ST6GALNAC3: variants seen among roughly 807,000 people sequenced by gnomAD.
The protein encoded by ST6GALNAC3 is ST6 N-acetylgalactosaminide alpha-2,6-sialyltransferase 3, also known as alpha-N-acetylgalactosaminide alpha-2,6-sialyltransferase 3.
In ST6GALNAC3, 25 loss-of-function variants were observed where a neutral mutation model predicts 32.7. The observed-to-expected ratio is 0.76, with a 90% CI of 0.56 to 1.07. The LOEUF is 1.07. Among genes scored for constraint, ST6GALNAC3 ranks in the 50% least tolerant of loss-of-function variants. The pLI is 0.00. For missense variants in ST6GALNAC3, 355 were observed against 382.4 expected (o/e 0.93, Z 0.60); for synonymous variants, 129 against 133.1 (o/e 0.97, Z 0.21).
intron 3 of ST6GALNAC3, among the ~76,000 whole-genome samples, chr1:76,566,412 T>G (rs549864976): frequency 6.6e-6 from 1 of 152,156 alleles, no homozygotes; most frequent in African/African-American, 2.4e-5. Flanking sequence ...TGGCTTCCCA[T>G]GGGACTCGGA....
At chr1:76,247,770 G>T (rs1036753542) in intron 1 of ST6GALNAC3, among the ~76,000 whole-genome samples, 1 of 151,680 alleles carries the variant, frequency 6.6e-6, no homozygotes, top group African/African-American at 2.4e-5. Flanking sequence ...TGTGGGAGTG[G>T]GACCTGCTGA....
At position 76,620,744 on chromosome 1, in the gene ST6GALNAC3, T is replaced by G. The variant is rs189632382; in HGVS notation, c.624-6708T>G. 2.0e-5 allele frequency among the ~76,000 whole-genome samples: 3 copies of G among 152,170 alleles called. No homozygotes were observed. The East Asian group carries it at 5.8e-4, about 29-fold the overall frequency. On this transcript the variant is annotated intron_variant, in intron 3 of 4. Transcript: ENST00000328299. ...TACAAAATACCACCAGACTGGGGAC[T>G]ACGGCCTCAACATATGAATTTGGGG...
At chr1:76,561,504 C>A (rs1665240291) in intron 3 of ST6GALNAC3, among the ~76,000 whole-genome samples, 1 of 151,664 alleles carries the variant, frequency 6.6e-6, no homozygotes, top group African/African-American at 2.4e-5. Flanking sequence ...TATAAATGGC[C>A]AATAAATACA....
At chr1:76,472,594 C>CA (rs1240274427) in intron 3 of ST6GALNAC3, among the ~76,000 whole-genome samples, 1 of 152,086 alleles carries the variant, frequency 6.6e-6, no homozygotes, top group Non-Finnish European at 1.5e-5. Context: ...GGCATGTTAC[C>CA]AAAGCGCTCA....
At chr1:76,546,210 C>G (rs960016977) in intron 3 of ST6GALNAC3, among the ~76,000 whole-genome samples, 1 of 152,080 alleles carries the variant, frequency 6.6e-6, no homozygotes, top group Non-Finnish European at 1.5e-5. Context: ...TTATGTCCTG[C>G]GTGATTTGGA....
chr1:76,483,974 A>C (rs1659920184), intron 3 of ST6GALNAC3, among the ~76,000 whole-genome samples: 3 of 129,622 alleles, frequency 2.3e-5, no homozygotes, highest in South Asian at 2.2e-4. Context: ...TTTATTAAAT[A>C]GGGAATCCTT....
At chr1:76,341,628 T>TCTTA (rs1648001172) in intron 2 of ST6GALNAC3, among the ~76,000 whole-genome samples, 3 of 130,248 alleles carry the variant, frequency 2.3e-5, no homozygotes, top group African/African-American at 9.5e-5. Flanking sequence ...TTTCTTTCTT[T>TCTTA]CTTTCTTTCT....
intron 3 of ST6GALNAC3, among the ~76,000 whole-genome samples, chr1:76,565,431 A>G (rs1038897662): frequency 6.6e-6 from 1 of 152,014 alleles, no homozygotes; most frequent in Non-Finnish European, 1.5e-5. Flanking sequence ...GGAAAATTCC[A>G]TGTCTTCATT....
chr1:76,276,238 G>T (rs909372671), intron 1 of ST6GALNAC3, among the ~76,000 whole-genome samples: 1 of 151,380 alleles, frequency 6.6e-6, no homozygotes, highest in African/African-American at 2.4e-5. Context: ...AATATAATGC[G>T]ATTTCATAGC....
chr1:76,313,886 C>T lies in ST6GALNAC3; in HGVS notation c.100C>T (p.Pro34Ser). 1 of 1,613,518 alleles carries T rather than the reference C, an allele frequency of 6.2e-7. No homozygotes were observed. The highest frequency in any genetic ancestry group is 8.5e-7 in the Non-Finnish European group (1 of 1,179,722). ...VVRLVNEVNF[P>S]LLLNCFGQPG... ...GCGTCTTGTAAATGAAGTGAATTTC[C>T]CATTGCTACTAAACTGCTTTGGACA... is the stretch of plus-strand genomic sequence containing the variant. Residue 34 changes from proline (P) to serine (S), a missense_variant, in exon 2 of 5, where the codon CCA becomes TCA. Transcript: ENST00000328299.
intron 3 of ST6GALNAC3, among the ~76,000 whole-genome samples, chr1:76,562,655 A>C (rs923815768): frequency 7.2e-5 from 11 of 152,332 alleles, no homozygotes; most frequent in Admixed American, 2.6e-4. Flanking sequence ...TATTTGAGGC[A>C]AAATGTGCTT....
chr1:76,474,258 G>T (rs2101634754), intron 3 of ST6GALNAC3, among the ~76,000 whole-genome samples: 1 of 152,292 alleles, frequency 6.6e-6, no homozygotes, highest in African/African-American at 2.4e-5. Context: ...TGAAAAGAAA[G>T]AGCCTCAAAG....
At chr1:76,230,456 T>C (rs1250373679) in intron 1 of ST6GALNAC3, among the ~76,000 whole-genome samples, 3 of 152,218 alleles carry the variant, frequency 2.0e-5, no homozygotes, top group Admixed American at 2.0e-4. Flanking sequence ...AAATTATCTT[T>C]TATTTTATTA....
intron 2 of ST6GALNAC3, among the ~76,000 whole-genome samples, chr1:76,406,305 T>C (rs1653829311): frequency 6.6e-6 from 1 of 152,036 alleles, no homozygotes; most frequent in Admixed American, 6.6e-5. Context: ...TTATTCCCTT[T>C]AGTCCTGGAG....
intron 3 of ST6GALNAC3, among the ~76,000 whole-genome samples, chr1:76,543,975 A>G (rs1206805794): frequency 1.3e-5 from 2 of 152,050 alleles, no homozygotes; most frequent in Admixed American, 6.6e-5. Context: ...TGCAGCTACT[A>G]AAGTATGTCT....
At chr1:76,274,689 A>C (rs1023787572) in intron 1 of ST6GALNAC3, among the ~76,000 whole-genome samples, 2 of 152,220 alleles carry the variant, frequency 1.3e-5, no homozygotes, top group Non-Finnish European at 2.9e-5. Context: ...CTGATTTCTA[A>C]TCTCTGAAAG....
At chr1:76,348,450 T>C (rs1648701612) in intron 2 of ST6GALNAC3, among the ~76,000 whole-genome samples, 1 of 152,160 alleles carries the variant, frequency 6.6e-6, no homozygotes, top group Admixed American at 6.5e-5. Context: ...CAACTTCCCA[T>C]TTATTCACTC....
intron 3 of ST6GALNAC3, among the ~76,000 whole-genome samples, chr1:76,434,499 A>G (rs1335663273): frequency 6.6e-6 from 1 of 152,210 alleles, no homozygotes; most frequent in African/African-American, 2.4e-5. Flanking sequence ...AACAAGAAGT[A>G]ACATTGAAAT....
intron 3 of ST6GALNAC3, among the ~76,000 whole-genome samples, chr1:76,425,846 T>C (rs1003934228): frequency 6.6e-6 from 1 of 151,914 alleles, no homozygotes; most frequent in African/African-American, 2.4e-5. Flanking sequence ...TGTCAGATAA[T>C]CAATGGACTA....
Sources: allele counts gnomAD v4.1 joint callset (sites outside exome capture counted in the v4.1 genomes callset), GRCh38; gene constraint gnomAD v4.1.1; transcripts MANE v1.5; gene names NCBI Gene and HGNC (gene_info 2026-07-23, HGNC 2026-07-21).